The following ENOPH1 variants were observed in gnomAD, a reference collection of about 807,000 sequenced individuals.
ENOPH1 encodes enolase-phosphatase 1, also known as enolase-phosphatase E1.
Under a neutral mutation model 31.1 loss-of-function variants are expected in ENOPH1, and 14 were observed. That is an observed-to-expected ratio of 0.45 (90% CI 0.30 to 0.70). ENOPH1 has a LOEUF of 0.70. ENOPH1 is among the 30% of genes least tolerant of loss of function. The pLI is 0.09. For synonymous variants in ENOPH1, 127 were observed against 123.2 expected, an observed-to-expected ratio of 1.03 and a Z score of -0.21; for missense variants, 243 against 321.5, an observed-to-expected ratio of 0.76 and a Z score of 1.87.
intron 4 of ENOPH1, among the ~76,000 whole-genome samples, chr4:82,455,516 C>T (rs1385981216): frequency 2.0e-5 from 3 of 152,074 alleles, no homozygotes; most frequent in Non-Finnish European, 2.9e-5. Flanking sequence ...CGCAGTGGCT[C>T]ACGCCTGTAA....
chr4:82,452,733 C>T (rs1286023724), intron 3 of ENOPH1, among the ~76,000 whole-genome samples: 5 of 151,634 alleles, frequency 3.3e-5, no homozygotes, highest in East Asian at 3.9e-4. Context: ...ACTACAGGTG[C>T]GTGCCACCAC....
Position 82,447,990 on chromosome 4 carries a change from G to A in ENOPH1, c.155G>A (p.Cys52Tyr). 1 of 1,612,862 alleles carries A rather than the reference G, an allele frequency of 6.2e-7. No homozygotes were observed. The highest frequency in any genetic ancestry group is 1.1e-5 in the South Asian group (1 of 90,870). ...YLQTHWEEEECQQDVSLLRKQ... is the reference protein window; with the variant it reads ...YLQTHWEEEEYQQDVSLLRKQ... ...CAGACACATTGGGAAGAAGAGGAGT[G>A]CCAGCAGGATGTCAGTCTTTTGAGG... Residue 52 changes from cysteine (C) to tyrosine (Y), a missense_variant, in exon 2 of 6, where the codon TGC (cysteine) becomes TAC (tyrosine). Physicochemically the swap from Cys to Tyr is radical, Grantham distance 194. Coordinates refer to ENST00000273920, the MANE Select transcript of ENOPH1 (RefSeq NM_021204.5).
chr4:82,453,105 G>T (rs1722396148), intron 3 of ENOPH1, among the ~76,000 whole-genome samples: 1 of 151,510 alleles, frequency 6.6e-6, no homozygotes, highest in South Asian at 2.1e-4. Flanking sequence ...GTTTCACCGT[G>T]TTAGCCAGGA....
rs569349811 is a variant in ENOPH1, at chr4:82,447,983, G to A, written c.148G>A (p.Glu50Lys). 9.3e-6 allele frequency: 15 copies of A among 1,613,220 alleles called. No homozygotes were observed. Among genetic ancestry groups the A allele is most frequent in the Non-Finnish European group, 1.3e-5 (15 of 1,179,524 alleles). Residue 50 changes from glutamate to lysine, a missense_variant, in exon 2 of 6, where the codon GAG becomes AAG. By Grantham distance (56) the Glu-to-Lys change is moderately conservative. Transcript: ENST00000273920. ...KEYLQTHWEE[E>K]ECQQDVSLLR... ...GTATCTGCAGACACATTGGGAAGAA[G>A]AGGAGTGCCAGCAGGATGTCAGTCT...
At chr4:82,444,253 A>T (rs1466215580) in intron 1 of ENOPH1, among the ~76,000 whole-genome samples, 1 of 147,342 alleles carries the variant, frequency 6.8e-6, no homozygotes, top group Non-Finnish European at 1.5e-5. Flanking sequence ...ACGGAGTCTC[A>T]CTCTCTCACC....
Position 82,446,689 on chromosome 4 carries a change from CTTTTTTTTTTTTTTT to C in ENOPH1, c.85-1217_85-1203del, listed in dbSNP as rs1175624219. 8.2e-3 allele frequency among the ~76,000 whole-genome samples: 553 copies of C among 67,478 alleles called. 26 individuals are homozygous for C. The highest frequency in any genetic ancestry group is 0.025 in the African/African-American group (534 of 21,444). The allele number at this position is 67,478 out of a possible 152,430, so 44.3% of individuals were successfully genotyped here. A position where few individuals can be genotyped will look rare whatever the true frequency, so the allele number is the denominator to read the frequency against. ...TTTTTTTTTTTTTGTGTGACGGAAT[CTTTTTTTTTTTTTTT>C]TTTTTTTTTTTTTGAGACGGAGTCT... On this transcript the variant is annotated intron_variant, in intron 1 of 5. Transcript: ENST00000273920.
At chr4:82,450,497 T>C (rs772305868) in intron 2 of ENOPH1, among the ~76,000 whole-genome samples, 2 of 152,256 alleles carry the variant, frequency 1.3e-5, no homozygotes, top group African/African-American at 4.8e-5. Flanking sequence ...TATAAATATG[T>C]ACACATGTAT....
chr4:82,439,395 A>G (rs1035658337), intron 1 of ENOPH1, among the ~76,000 whole-genome samples: 5 of 152,224 alleles, frequency 3.3e-5, no homozygotes, highest in Admixed American at 6.5e-5. Context: ...GGAGCTCACA[A>G]TCAGACCAGT....
intron 1 of ENOPH1, among the ~76,000 whole-genome samples, chr4:82,445,467 G>GTT (rs1217042808): frequency 1.3e-5 from 2 of 152,068 alleles, no homozygotes; most frequent in Non-Finnish European, 2.9e-5. Flanking sequence ...TTTTTTGTTT[G>GTT]TTTTTTGAGT....
At chr4:82,455,647 G>A (rs529248787) in intron 4 of ENOPH1, among the ~76,000 whole-genome samples, 220 of 151,888 alleles carry the variant, frequency 1.4e-3, no homozygotes, top group African/African-American at 5.0e-3. Context: ...TTAGCCGGAC[G>A]TGGTGGCGGG....
intron 2 of ENOPH1, 55 bp from the exon 3 acceptor site, chr4:82,450,988 A>T: frequency 6.6e-6 from 10 of 1,516,038 alleles, no homozygotes; most frequent in Non-Finnish European, 9.1e-6. Flanking sequence ...CTCGTTTTAA[A>T]TGACTGTTTT....
chr4:82,449,835 T>C (rs1198944998), intron 2 of ENOPH1, among the ~76,000 whole-genome samples: 1 of 152,116 alleles, frequency 6.6e-6, no homozygotes, highest in Admixed American at 6.6e-5. Context: ...CCTTCCAGAC[T>C]CCTCACCCCA....
Position 82,456,963 on chromosome 4 carries a change from G to C in ENOPH1, c.571G>C (p.Glu191Gln), listed in dbSNP as rs1722505574. 6.2e-7 allele frequency: 1 copy of C among 1,614,100 alleles called. No homozygotes were observed. Among genetic ancestry groups the C allele is most frequent in the Non-Finnish European group, 8.5e-7 (1 of 1,180,000 alleles). ...DTKIGHKVES[E>Q]SYRKIADSIG... ...CAAGATTGGACACAAAGTAGAGAGTGAAAGTTACCGAAAGATTGCAGACAG... is the reference window on the plus strand; with the variant it reads ...CAAGATTGGACACAAAGTAGAGAGTCAAAGTTACCGAAAGATTGCAGACAG... The change falls in exon 5 of 6, where the codon GAA becomes CAA. Residue 191 changes from glutamate (E) to glutamine (Q), a missense_variant. Glu to Gln is a conservative substitution (Grantham distance 29, BLOSUM62 2). Transcript: ENST00000273920.
chr4:82,444,813 T>C (rs540245592), intron 1 of ENOPH1, among the ~76,000 whole-genome samples: 1 of 152,256 alleles, frequency 6.6e-6, no homozygotes, highest in Admixed American at 6.5e-5. Context: ...AAGTGCCTGG[T>C]GGACTGAAAA....
intron 1 of ENOPH1, among the ~76,000 whole-genome samples, chr4:82,432,923 T>G (rs1356618792): frequency 1.3e-5 from 2 of 152,252 alleles, no homozygotes; most frequent in Non-Finnish European, 2.9e-5. Flanking sequence ...CCCCACGTTT[T>G]TAATCACACC....
At chr4:82,448,079 T>C in intron 2 of ENOPH1, 58 bp downstream of exon 2, 1 of 1,214,374 alleles carries the variant, frequency 8.2e-7, no homozygotes, top group South Asian at 1.3e-5. Context: ...TACCTGGAGA[T>C]TTAGGACATG....
chr4:82,439,004 T>C (rs1435942162), intron 1 of ENOPH1, among the ~76,000 whole-genome samples: 1 of 152,222 alleles, frequency 6.6e-6, no homozygotes, highest in East Asian at 1.9e-4. Context: ...GAAACCAACC[T>C]GCCCTAATCC....
intron 1 of ENOPH1, among the ~76,000 whole-genome samples, chr4:82,444,162 A>C (rs977143052): frequency 6.6e-6 from 1 of 152,012 alleles, no homozygotes; most frequent in African/African-American, 2.4e-5. Flanking sequence ...GGCGTGGGCC[A>C]CGGCGCCCGG....
intron 2 of ENOPH1, among the ~76,000 whole-genome samples, chr4:82,449,057 C>CAAA (rs10604951): frequency 4.0e-5 from 2 of 49,486 alleles, no homozygotes; most frequent in South Asian, 8.4e-4. Context: ...GACTCCGTCT[C>CAAA]AAAAAAAAAA....
Sources: allele counts gnomAD v4.1 joint callset (sites outside exome capture counted in the v4.1 genomes callset), GRCh38; gene constraint gnomAD v4.1.1; transcripts MANE v1.5; gene names NCBI Gene and HGNC (gene_info 2026-07-23, HGNC 2026-07-21).